The following CNTN5 variants were observed in gnomAD, a reference collection of about 807,000 sequenced individuals.
CNTN5 encodes contactin 5, also known as contactin-5.
Under a neutral mutation model 129.1 loss-of-function variants are expected in CNTN5, and 77 were observed. The ratio of observed to expected loss-of-function variants is 0.60; its 90% CI spans 0.50 to 0.72. CNTN5 has a LOEUF of 0.72. Among genes scored for constraint, CNTN5 ranks in the 30% least tolerant of loss-of-function variants. CNTN5 has a pLI of 0.00. For missense variants in CNTN5, 1,478 were observed against 1,328.8 expected (o/e 1.11, Z -1.75); for synonymous variants, 509 against 465.6 (o/e 1.09, Z -1.20).
rs561692438 is a variant in CNTN5, at chr11:99,838,553, C to G, written c.278-6299C>G. Reference sequence around the variant, plus strand: ...TCTCTTCAAGTCTGAAATCTGAGTACCTTAGCTGGGAGGTTCTGGCTCTAG... The same window carrying G: ...TCTCTTCAAGTCTGAAATCTGAGTAGCTTAGCTGGGAGGTTCTGGCTCTAG... On this transcript the variant is annotated intron_variant, in intron 4 of 24. Transcript: ENST00000524871. Among the ~76,000 whole-genome samples, 136 of 152,268 alleles carry G rather than the reference C, an allele frequency of 8.9e-4. 1 individual carries two copies. The highest frequency in any genetic ancestry group is 1.4e-3 in the Non-Finnish European group (96 of 68,028).
At chr11:99,772,849 G>A (rs1944992170) in intron 3 of CNTN5, among the ~76,000 whole-genome samples, 1 of 152,034 alleles carries the variant, frequency 6.6e-6, no homozygotes, top group African/African-American at 2.4e-5. Flanking sequence ...ACCCACAGAG[G>A]CAGAAAGCTG....
chr11:100,151,496 C>T (rs1018077162), intron 13 of CNTN5, among the ~76,000 whole-genome samples: 3 of 152,108 alleles, frequency 2.0e-5, no homozygotes, highest in Middle Eastern at 3.4e-3. Flanking sequence ...AAAGTGCAAG[C>T]CATATAATAT....
At chr11:100,030,112 C>A (rs748665326) in intron 9 of CNTN5, among the ~76,000 whole-genome samples, 7 of 152,118 alleles carry the variant, frequency 4.6e-5, no homozygotes, top group Admixed American at 6.5e-5. Context: ...GCATGGCTTA[C>A]ACCTGTAATC....
intron 1 of CNTN5, among the ~76,000 whole-genome samples, chr11:99,160,496 C>G (rs1302675372): frequency 6.6e-6 from 1 of 152,044 alleles, no homozygotes; most frequent in Non-Finnish European, 1.5e-5. Context: ...TACACTGTAC[C>G]TCACCTAAAC....
At chr11:99,507,577 G>T (rs1485560630) in intron 2 of CNTN5, among the ~76,000 whole-genome samples, 1 of 151,936 alleles carries the variant, frequency 6.6e-6, no homozygotes, top group Admixed American at 6.6e-5. Flanking sequence ...ATACATAAAC[G>T]ATGTACTTTG....
intron 2 of CNTN5, among the ~76,000 whole-genome samples, chr11:99,401,529 T>C (rs574416998): frequency 1.3e-5 from 2 of 152,234 alleles, no homozygotes; most frequent in Admixed American, 6.5e-5. Flanking sequence ...CTTCATCCAG[T>C]TTTGTTCTTT....
At chr11:99,619,947 A>G (rs1950881913) in intron 3 of CNTN5, among the ~76,000 whole-genome samples, 2 of 148,354 alleles carry the variant, frequency 1.3e-5, no homozygotes, top group Admixed American at 1.4e-4. Flanking sequence ...AATGGCGTGA[A>G]CCCGGGAGGC....
intron 2 of CNTN5, among the ~76,000 whole-genome samples, chr11:99,462,333 C>CTTT (rs1259949458): frequency 7.7e-6 from 1 of 130,356 alleles, no homozygotes; most frequent in African/African-American, 2.8e-5. Flanking sequence ...CTTTTTCTTT[C>CTTT]TTTTTTTTCT....
chr11:99,042,265 C>G (rs1004774748), intron 1 of CNTN5, among the ~76,000 whole-genome samples: 1 of 151,052 alleles, frequency 6.6e-6, no homozygotes, highest in African/African-American at 2.4e-5. Context: ...AAATACCTAA[C>G]GTAGATGACG....
At chr11:99,247,324 A>G (rs1216656388) in intron 1 of CNTN5, among the ~76,000 whole-genome samples, 2 of 152,124 alleles carry the variant, frequency 1.3e-5, no homozygotes, top group South Asian at 4.1e-4. Context: ...TGGAAGAAGT[A>G]AAGAGCATGA....
At chr11:99,337,060 C>T (rs1866260794) in intron 2 of CNTN5, among the ~76,000 whole-genome samples, 1 of 152,024 alleles carries the variant, frequency 6.6e-6, no homozygotes, top group Admixed American at 6.6e-5. Flanking sequence ...GAAGGGGAAT[C>T]AGTGTATTTC....
intron 3 of CNTN5, among the ~76,000 whole-genome samples, chr11:99,804,684 T>A (rs941076082): frequency 6.6e-6 from 1 of 151,488 alleles, no homozygotes; most frequent in African/African-American, 2.4e-5. Flanking sequence ...AAACTCTTAA[T>A]ATGGAAGGAA....
intron 1 of CNTN5, among the ~76,000 whole-genome samples, chr11:99,036,490 T>C (rs894917694): frequency 6.6e-6 from 1 of 152,200 alleles, no homozygotes; most frequent in African/African-American, 2.4e-5. Flanking sequence ...TTTATATGAA[T>C]AGTTCCTCAC....
intron 2 of CNTN5, among the ~76,000 whole-genome samples, chr11:99,469,239 G>A (rs959057826): frequency 6.6e-6 from 1 of 152,020 alleles, no homozygotes; most frequent in Non-Finnish European, 1.5e-5. Context: ...TGGAGTCAAT[G>A]AATACGAAAT....
intron 3 of CNTN5, among the ~76,000 whole-genome samples, chr11:99,630,307 A>T (rs1951295411): frequency 6.6e-6 from 1 of 151,972 alleles, no homozygotes; most frequent in East Asian, 1.9e-4. Flanking sequence ...ATCATTTAAA[A>T]AGTTAACAGT....
At chr11:99,804,821 CTA>C (rs985285946) in intron 3 of CNTN5, among the ~76,000 whole-genome samples, 15 of 149,712 alleles carry the variant, frequency 1.0e-4, no homozygotes, top group African/African-American at 3.4e-4. Context: ...TTTTAAATAA[CTA>C]TTTTATATGT....
chr11:100,128,233 C>T (rs770111837), intron 13 of CNTN5, among the ~76,000 whole-genome samples: 1 of 152,018 alleles, frequency 6.6e-6, no homozygotes, highest in Non-Finnish European at 1.5e-5. Flanking sequence ...ACTTATTCTC[C>T]CTCCTTTTTT....
intron 3 of CNTN5, among the ~76,000 whole-genome samples, chr11:99,737,858 T>C (rs55702381): frequency 2.6e-4 from 39 of 152,220 alleles, no homozygotes; most frequent in Non-Finnish European, 4.6e-4. Flanking sequence ...TTTCACTTTT[T>C]AACGTCACTA....
chr11:99,273,123 T>C (rs962611584), intron 1 of CNTN5, among the ~76,000 whole-genome samples: 5 of 151,720 alleles, frequency 3.3e-5, no homozygotes, highest in East Asian at 2.0e-4. Flanking sequence ...AAACCACTAA[T>C]TAGATACGTA....
Sources: gnomAD v4.1 joint callset for allele counts (sites outside exome capture counted in the v4.1 genomes callset) on GRCh38, gnomAD v4.1.1 for gene constraint, MANE v1.5 for transcripts, NCBI Gene and HGNC (gene_info 2026-07-23, HGNC 2026-07-21) for gene names.